The following PTPRT variants were observed in gnomAD, a reference collection of about 807,000 sequenced individuals.
PTPRT encodes protein tyrosine phosphatase receptor type T.
Under a neutral mutation model 176.8 loss-of-function variants are expected in PTPRT, and 56 were observed. The observed-to-expected ratio is 0.32, with a 90% CI of 0.26 to 0.40. The LOEUF is 0.40. Among genes scored for constraint, PTPRT ranks in the 10% least tolerant of loss-of-function variants. The pLI is 1.00. For synonymous variants in PTPRT, 783 were observed against 739.0 expected (o/e 1.06, Z -0.96); for missense variants, 1,540 against 1,908.2 (o/e 0.81, Z 3.60).
At chr20:42,389,437 C>T (rs552196049) in intron 9 of PTPRT, among the ~76,000 whole-genome samples, 58 of 152,184 alleles carry the variant, frequency 3.8e-4, no homozygotes, top group African/African-American at 1.2e-3. Flanking sequence ...TGAATGTGTT[C>T]CCCCAAAACC....
At chr20:42,129,597 G>C (rs1988029115) in intron 18 of PTPRT, among the ~76,000 whole-genome samples, 1 of 152,170 alleles carries the variant, frequency 6.6e-6, no homozygotes. Context: ...GGTTCGGTCT[G>C]GTTGGGAGGA....
intron 7 of PTPRT, among the ~76,000 whole-genome samples, chr20:42,631,303 T>A (rs1174754741): frequency 6.6e-6 from 1 of 152,178 alleles, no homozygotes; most frequent in East Asian, 1.9e-4. Context: ...AATTTCCATA[T>A]TAATTTTAGA....
chr20:42,155,826 C>T (rs567647364), intron 17 of PTPRT, among the ~76,000 whole-genome samples: 8 of 152,260 alleles, frequency 5.3e-5, no homozygotes, highest in South Asian at 2.1e-4. Context: ...CTGTCCCAGC[C>T]GCCTACCTGC....
chr20:42,568,752 G>T lies in PTPRT; in HGVS notation c.1154-96190C>A, dbSNP rs111913762. Among the ~76,000 whole-genome samples the T allele has an allele frequency of 3.7e-3, 556 of 151,944 alleles. 3 individuals carry two copies. Among genetic ancestry groups the T allele is most frequent in the African/African-American group, 0.013 (535 of 41,462 alleles). On this transcript the variant is annotated intron_variant, in intron 7 of 30. Coordinates refer to ENST00000373187, the MANE Select transcript of PTPRT (RefSeq NM_007050.6). ...CTTCAACTGTCCTGGATTCATCTGG[G>T]AATAAGAATTATTTCGGCTAGGCAC...
intron 1 of PTPRT, among the ~76,000 whole-genome samples, chr20:42,961,145 T>C (rs1224761602): frequency 6.6e-6 from 1 of 151,930 alleles, no homozygotes; most frequent in Non-Finnish European, 1.5e-5. Context: ...GGTAGGTAAT[T>C]AAAATAAAGA....
intron 27 of PTPRT, among the ~76,000 whole-genome samples, chr20:42,095,824 A>G (rs1364095969): frequency 1.3e-5 from 2 of 152,182 alleles, no homozygotes; most frequent in African/African-American, 4.8e-5. Flanking sequence ...TCCAGCAAAT[A>G]GCAGATGCCC....
chr20:43,115,974 T>G (rs1264589135), intron 1 of PTPRT, among the ~76,000 whole-genome samples: 1 of 152,208 alleles, frequency 6.6e-6, no homozygotes, highest in Non-Finnish European at 1.5e-5. Context: ...AATCTCCATT[T>G]TTCTGTAGGT....
intron 12 of PTPRT, among the ~76,000 whole-genome samples, chr20:42,310,578 A>T (rs2057612182): frequency 6.6e-6 from 1 of 152,184 alleles, no homozygotes; most frequent in Non-Finnish European, 1.5e-5. Flanking sequence ...ATTTGCATTG[A>T]TCAAGCTGAA....
intron 1 of PTPRT, among the ~76,000 whole-genome samples, chr20:43,168,871 A>T (rs149805362): frequency 1.3e-5 from 2 of 152,324 alleles, no homozygotes; most frequent in East Asian, 3.9e-4. Context: ...GCTAAGGTTG[A>T]TTCTTCAATT....
At chr20:43,082,144 T>C (rs962377521) in intron 1 of PTPRT, among the ~76,000 whole-genome samples, 2 of 152,224 alleles carry the variant, frequency 1.3e-5, no homozygotes, top group African/African-American at 2.4e-5. Context: ...TTTGTTTATG[T>C]GACTGTCTTA....
intron 7 of PTPRT, among the ~76,000 whole-genome samples, chr20:42,644,874 CT>C (rs1187240539): frequency 9.9e-5 from 15 of 152,202 alleles, no homozygotes; most frequent in Non-Finnish European, 4.4e-5. Flanking sequence ...TAAGTATGTG[CT>C]CTTCCATTTC....
At chr20:42,248,500 A>G (rs73271021) in intron 14 of PTPRT, among the ~76,000 whole-genome samples, 187 bp downstream of exon 14, 9,059 of 152,230 alleles carry the variant, frequency 0.06, 877 homozygotes, top group African/African-American at 0.2. Context: ...CACCTGCCAA[A>G]CAGGCAGCAT....
At chr20:42,577,385 C>T (rs1268535000) in intron 7 of PTPRT, among the ~76,000 whole-genome samples, 1 of 152,150 alleles carries the variant, frequency 6.6e-6, no homozygotes, top group Non-Finnish European at 1.5e-5. Context: ...ATGAAAGGAC[C>T]ACCAGGCTGT....
At chr20:43,130,645 G>A (rs1171405119) in intron 1 of PTPRT, among the ~76,000 whole-genome samples, 1 of 152,038 alleles carries the variant, frequency 6.6e-6, no homozygotes, top group Non-Finnish European at 1.5e-5. Flanking sequence ...ATACCCTGCA[G>A]GTATATGCCT....
At chr20:42,605,746 G>C (rs562420104) in intron 7 of PTPRT, among the ~76,000 whole-genome samples, 4 of 152,268 alleles carry the variant, frequency 2.6e-5, no homozygotes, top group Admixed American at 6.5e-5. Context: ...ACCAGGAAAC[G>C]GGCTCTCTCC....
At chr20:42,874,002 G>T (rs984210703) in intron 2 of PTPRT, among the ~76,000 whole-genome samples, 7 of 151,778 alleles carry the variant, frequency 4.6e-5, no homozygotes, top group Non-Finnish European at 4.4e-5. Context: ...TCTTTACTAA[G>T]GAAAAGACAG....
chr20:43,081,495 C>A (rs1014560045), intron 1 of PTPRT, among the ~76,000 whole-genome samples: 1 of 152,138 alleles, frequency 6.6e-6, no homozygotes, highest in Non-Finnish European at 1.5e-5. Flanking sequence ...TTCATATGCA[C>A]CTTCTCTCTT....
intron 7 of PTPRT, among the ~76,000 whole-genome samples, chr20:42,654,776 G>T (rs1437746663): frequency 6.6e-6 from 1 of 152,140 alleles, no homozygotes; most frequent in Non-Finnish European, 1.5e-5. Flanking sequence ...AGTTGCTCAG[G>T]TTCACACAGC....
chr20:42,548,703 A>G (rs2072717170), intron 7 of PTPRT, among the ~76,000 whole-genome samples: 1 of 152,210 alleles, frequency 6.6e-6, no homozygotes, highest in African/African-American at 2.4e-5. Context: ...GATACTTGTG[A>G]TGTCTTAAAT....
Sources: allele counts gnomAD v4.1 joint callset (sites outside exome capture counted in the v4.1 genomes callset), GRCh38; gene constraint gnomAD v4.1.1; transcripts MANE v1.5; gene names NCBI Gene and HGNC (gene_info 2026-07-23, HGNC 2026-07-21).